The following IFNAR1 variants were observed in gnomAD, a reference collection of about 807,000 sequenced individuals.
The protein encoded by IFNAR1 is interferon alpha and beta receptor subunit 1, also known as interferon alpha/beta receptor 1.
Under a neutral mutation model 62.1 loss-of-function variants are expected in IFNAR1, and 47 were observed. The ratio of observed to expected loss-of-function variants is 0.76; its 90% CI spans 0.60 to 0.97. The LOEUF is 0.97. Among genes scored for constraint, IFNAR1 ranks in the 50% least tolerant of loss-of-function variants. IFNAR1 has a pLI of 0.00. For missense variants in IFNAR1, 638 were observed against 654.5 expected, an observed-to-expected ratio of 0.97 and a Z score of 0.27; for synonymous variants, 219 against 226.9, an observed-to-expected ratio of 0.97 and a Z score of 0.31.
chr21:33,336,893 A>G (rs1031204881), intron 2 of IFNAR1, among the ~76,000 whole-genome samples: 2 of 151,756 alleles, frequency 1.3e-5, no homozygotes, highest in Non-Finnish European at 2.9e-5. Context: ...TGGGATTGCA[A>G]GCACATGCCA....
intron 1 of IFNAR1, among the ~76,000 whole-genome samples, chr21:33,331,507 C>T (rs1032988667): frequency 1.3e-5 from 2 of 152,144 alleles, no homozygotes; most frequent in Non-Finnish European, 2.9e-5. Flanking sequence ...AACTGTAGTA[C>T]CCCGCTTCCC....
chr21:33,338,882 A>G (rs770162445), intron 2 of IFNAR1, among the ~76,000 whole-genome samples: 6 of 151,622 alleles, frequency 4.0e-5, no homozygotes, highest in Non-Finnish European at 7.4e-5. Flanking sequence ...GCCTGGGATT[A>G]CAGGCATGCA....
intron 1 of IFNAR1, among the ~76,000 whole-genome samples, chr21:33,328,191 G>C (rs939118881): frequency 5.9e-5 from 9 of 152,160 alleles, no homozygotes; most frequent in Non-Finnish European, 1.3e-4. Context: ...CAAGACAGTT[G>C]TTCTTCCAGT....
intron 3 of IFNAR1, among the ~76,000 whole-genome samples, chr21:33,342,577 G>A (rs2083300909): frequency 6.6e-6 from 1 of 151,888 alleles, no homozygotes; most frequent in Non-Finnish European, 1.5e-5. Context: ...AGGCGCGGTG[G>A]CTCACGCCTG....
intron 10 of IFNAR1, among the ~76,000 whole-genome samples, chr21:33,354,416 T>C (rs2083429109): frequency 6.6e-6 from 1 of 152,212 alleles, no homozygotes; most frequent in Non-Finnish European, 1.5e-5. Flanking sequence ...TTTCAATTTG[T>C]GATGCGTTTG....
At chr21:33,333,636 T>G (rs1204392972) in intron 1 of IFNAR1, among the ~76,000 whole-genome samples, 1 of 145,648 alleles carries the variant, frequency 6.9e-6, no homozygotes, top group South Asian at 2.2e-4. Flanking sequence ...CTTTTTTTTT[T>G]TTTTTGAGAC....
At chr21:33,328,088 A>T (rs898871541) in intron 1 of IFNAR1, among the ~76,000 whole-genome samples, 5 of 152,146 alleles carry the variant, frequency 3.3e-5, no homozygotes, top group Admixed American at 3.3e-4. Flanking sequence ...TTCTTAAAAC[A>T]TGAGGGGTTT....
At position 33,335,540 on chromosome 21, in the gene IFNAR1, A is replaced by T; in HGVS notation, c.93A>T (p.Lys31Asn). The T allele has an allele frequency of 4.4e-6, 7 of 1,594,424 alleles. No homozygotes were observed. The highest frequency in any genetic ancestry group is 6.0e-6 in the Non-Finnish European group (7 of 1,166,898). ...CTTTTATAGGTGGAAAAAATCTAAA[A>T]TCTCCTCAAAAAGTAGAGGTCGACA... ...LSAAAGGKNL[K>N]SPQKVEVDII... The change falls in exon 2 of 11, where the codon AAA (lysine) becomes AAT (asparagine). Residue 31 changes from lysine (K) to asparagine (N), a missense_variant. By Grantham distance (94) the Lys-to-Asn change is moderately conservative. Transcript: ENST00000270139.
In IFNAR1 at chr21:33,349,072, A is replaced by G; in HGVS notation, c.789-19A>G. On this transcript the variant is annotated intron_variant, in intron 6 of 10. Transcript: ENST00000270139. ...CTTAATAAATATCTAATGAATTTAA[A>G]AAATATTTGTCTTAAAAGCGCCTTT... 1 of 1,477,212 alleles carries G rather than the reference A, an allele frequency of 6.8e-7. No homozygotes were observed. 91.5% of individuals were successfully genotyped at this position (1,477,212 alleles called of 1,614,324 possible).
At chr21:33,337,757 CTA>C (rs915368255) in intron 2 of IFNAR1, among the ~76,000 whole-genome samples, 2 of 58,480 alleles carry the variant, frequency 3.4e-5, no homozygotes, top group East Asian at 3.7e-4. Flanking sequence ...CATATACACA[CTA>C]TATATACATA....
Position 33,355,501 on chromosome 21 carries a change from T to A in IFNAR1, c.1626T>A (p.Asp542Glu). 1 of 1,604,326 alleles carries A rather than the reference T, an allele frequency of 6.2e-7. No individual in the cohort carries two copies. Among genetic ancestry groups the A allele is most frequent in the South Asian group, 1.1e-5 (1 of 88,722 alleles). Residue 542 changes from aspartate (D) to glutamate (E), a missense_variant, in exon 11 of 11, where the codon GAT (aspartate) becomes GAA (glutamate). Physicochemically the swap from Asp to Glu is conservative, Grantham distance 45. Coordinates refer to ENST00000270139, the MANE Select transcript of IFNAR1 (RefSeq NM_000629.3). ...SQDSGNYSNE[D>E]ESESKTSEEL... ...ATTCAGGAAATTATTCTAATGAAGATGAAAGCGAAAGTAAAACAAGTGAAG... is the reference window on the plus strand; with the variant it reads ...ATTCAGGAAATTATTCTAATGAAGAAGAAAGCGAAAGTAAAACAAGTGAAG...
At chr21:33,344,486 T>C (rs564924471) in intron 5 of IFNAR1, among the ~76,000 whole-genome samples, 21 of 152,238 alleles carry the variant, frequency 1.4e-4, no homozygotes, top group Non-Finnish European at 2.8e-4. Context: ...TGAAGTCTTC[T>C]TCTCCCTTCT....
At position 33,348,010 on chromosome 21, in the gene IFNAR1, A is replaced by G. The variant is rs549729689; in HGVS notation, c.789-1081A>G. ...ATTTGAGGAAGGTGCATGCGGCGAC[A>G]TGGTATGTGGGAGAGTGGACTAAGG... On this transcript the variant is annotated intron_variant, in intron 6 of 10. Transcript: ENST00000270139. 2.8e-4 allele frequency among the ~76,000 whole-genome samples: 43 copies of G among 152,344 alleles called. No individual in the cohort carries two copies. The South Asian group carries it at 6.2e-3, about 22-fold the overall frequency.
chr21:33,347,350 G>A (rs946262200), intron 6 of IFNAR1, among the ~76,000 whole-genome samples: 8 of 152,074 alleles, frequency 5.3e-5, no homozygotes, highest in African/African-American at 1.9e-4. Flanking sequence ...GGCTGGTCTC[G>A]AACTCCTGAC....
At chr21:33,338,291 G>A (rs781150715) in intron 2 of IFNAR1, among the ~76,000 whole-genome samples, 1 of 152,186 alleles carries the variant, frequency 6.6e-6, no homozygotes, top group Non-Finnish European at 1.5e-5. Flanking sequence ...CCAGCACTTT[G>A]GGAGGCCAAG....
At chr21:33,331,494 A>G (rs967284256) in intron 1 of IFNAR1, among the ~76,000 whole-genome samples, 13 of 152,146 alleles carry the variant, frequency 8.5e-5, no homozygotes, top group Non-Finnish European at 1.6e-4. Context: ...CTACAGGCCA[A>G]ATAACTGTAG....
intron 4 of IFNAR1, 44 bp from the exon 5 acceptor site, chr21:33,343,491 G>A (rs754298339): frequency 1.3e-6 from 2 of 1,555,334 alleles, no homozygotes; most frequent in South Asian, 2.3e-5. Flanking sequence ...CCTAAAATTT[G>A]ACTTTATACT....
chr21:33,355,435 T>C lies in IFNAR1; in HGVS notation c.1560T>C (p.Thr520=), dbSNP rs1192962181. 1.3e-6 allele frequency: 2 copies of C among 1,596,704 alleles called. No individual in the cohort carries two copies. The highest frequency in any genetic ancestry group is 2.7e-5 in the African/African-American group (2 of 74,378). The change falls in exon 11 of 11, where the codon ACT becomes ACC. Residue 520 remains threonine, a synonymous_variant. Coordinates refer to ENST00000270139, the MANE Select transcript of IFNAR1 (RefSeq NM_000629.3). ...TIATVEETNQ[T]DEDHKKYSSQ... ...CTACAGTAGAAGAAACTAATCAAACTGATGAAGATCATAAAAAATACAGTT... is the reference window on the plus strand; with the variant it reads ...CTACAGTAGAAGAAACTAATCAAACCGATGAAGATCATAAAAAATACAGTT...
At chr21:33,350,550 C>T (rs1161545818) in intron 8 of IFNAR1, among the ~76,000 whole-genome samples, 4 of 152,020 alleles carry the variant, frequency 2.6e-5, no homozygotes, top group African/African-American at 7.2e-5. Flanking sequence ...TGGTCTAAAC[C>T]CTAAAATTCA....
Sources: gnomAD v4.1 joint callset for allele counts (sites outside exome capture counted in the v4.1 genomes callset) on GRCh38, gnomAD v4.1.1 for gene constraint, MANE v1.5 for transcripts, NCBI Gene and HGNC (gene_info 2026-07-23, HGNC 2026-07-21) for gene names.